Variants in LPCAT1 observed in about 807,000 individuals in gnomAD.
LPCAT1 encodes lysophosphatidylcholine acyltransferase 1.
A neutral mutation model predicts 60.9 loss-of-function variants in LPCAT1; 23 were observed. The ratio of observed to expected loss-of-function variants is 0.38; its 90% CI spans 0.27 to 0.53. The LOEUF is 0.53. Ranked by LOEUF, LPCAT1 falls within the 20% of genes least tolerant of loss-of-function variation. The pLI, the probability that LPCAT1 is intolerant of heterozygous loss-of-function variation, is 0.82. For synonymous variants in LPCAT1, 340 were observed against 301.1 expected (o/e 1.13, Z -1.34); for missense variants, 622 against 723.6 (o/e 0.86, Z 1.61).
chr5:1,519,854 C>T (rs1579820883), intron 1 of LPCAT1, among the ~76,000 whole-genome samples: 2 of 152,236 alleles, frequency 1.3e-5, no homozygotes, highest in African/African-American at 4.8e-5. Flanking sequence ...CCCTGTACAG[C>T]CCTGGCCTTC....
intron 1 of LPCAT1, among the ~76,000 whole-genome samples, chr5:1,509,428 G>A (rs113087902): frequency 2.0e-4 from 31 of 152,356 alleles, no homozygotes; most frequent in African/African-American, 5.8e-4. Flanking sequence ...ACACACAGGC[G>A]CCTGCTGTCC....
rs906866465 is a variant in LPCAT1 at position 1,521,697 on chromosome 5, GC to G, written c.135+2012del. ...ACAAAGCAAGCCCCCTCTCTGAGAG[GC>G]CCCAACACCTCAAGCCAGGATCTCT... On this transcript the variant is annotated intron_variant, in intron 1 of 13. Coordinates refer to ENST00000283415, the MANE Select transcript of LPCAT1 (RefSeq NM_024830.5). The surrounding 1 kb of genome is among the most constrained non-coding windows in gnomAD (Gnocchi z 4.3). 1.9e-4 allele frequency among the ~76,000 whole-genome samples: 29 copies of G among 152,292 alleles called. No homozygotes were observed. The highest frequency in any genetic ancestry group is 7.0e-4 in the African/African-American group (29 of 41,566).
intron 3 of LPCAT1, 67 bp from the exon 4 acceptor site, chr5:1,489,925 G>T: frequency 2.6e-6 from 3 of 1,168,232 alleles, no homozygotes; most frequent in South Asian, 2.4e-5. Context: ...GCTGAGGAAC[G>T]AGGGGGCTGC....
chr5:1,474,144 A>T, intron 10 of LPCAT1, 34 bp from the exon 11 acceptor site: 4 of 1,596,412 alleles, frequency 2.5e-6, no homozygotes, highest in Non-Finnish European at 3.4e-6. Flanking sequence ...TTTCTTTTTC[A>T]ATAAAATGGT....
rs1735737486 is a variant in LPCAT1 at position 1,495,093 on chromosome 5, C to T, written c.279-179G>A. Among the ~76,000 whole-genome samples, 1 of 152,204 alleles carries T rather than the reference C, an allele frequency of 6.6e-6. No homozygotes were observed. Among genetic ancestry groups the T allele is most frequent in the South Asian group, 2.1e-4 (1 of 4,836 alleles). On this transcript the variant is annotated intron_variant, in intron 2 of 13. Transcript: ENST00000283415. The surrounding 1 kb of genome is among the most constrained non-coding windows in gnomAD (Gnocchi z 4.7). The stretch of plus-strand genomic sequence containing the variant: ...AGAAAAGACGCCGCGCCTTCCTGGC[C>T]TCCGCCTGTGTCCTCGCTGGCTGCG...
At chr5:1,501,162 A>C (rs1214464090) in intron 2 of LPCAT1, among the ~76,000 whole-genome samples, 1 of 152,188 alleles carries the variant, frequency 6.6e-6, no homozygotes, top group Non-Finnish European at 1.5e-5. Flanking sequence ...TGGAGCAGAG[A>C]AGGCTACGGT....
At chr5:1,486,995 G>A (rs563687709) in intron 5 of LPCAT1, among the ~76,000 whole-genome samples, 93 of 152,216 alleles carry the variant, frequency 6.1e-4, no homozygotes, top group African/African-American at 2.1e-3. Flanking sequence ...GCGTTGAGAG[G>A]TGCTCACACG....
chr5:1,479,817 G>A (rs546645366), intron 7 of LPCAT1, 142 bp from the exon 8 acceptor site: 16 of 669,624 alleles, frequency 2.4e-5, no homozygotes, highest in African/African-American at 1.4e-4. Flanking sequence ...AGGGGGTGCC[G>A]TGCCCACCCA....
intron 12 of LPCAT1, among the ~76,000 whole-genome samples, chr5:1,467,885 C>T (rs927768098): frequency 2.0e-5 from 3 of 152,274 alleles, no homozygotes; most frequent in Admixed American, 2.0e-4. Context: ...CCTCTCTCTG[C>T]CTGGGGTCCA....
chr5:1,506,970 G>A (rs1037379655), intron 1 of LPCAT1, among the ~76,000 whole-genome samples: 9 of 152,220 alleles, frequency 5.9e-5, no homozygotes, highest in African/African-American at 2.2e-4. Context: ...ACCAGAGGCA[G>A]CAGGGGCAGC....
At chr5:1,503,537 G>A (rs995138872) in intron 1 of LPCAT1, among the ~76,000 whole-genome samples, 1 of 152,178 alleles carries the variant, frequency 6.6e-6, no homozygotes, top group Non-Finnish European at 1.5e-5. Flanking sequence ...CTCCCTGTTA[G>A]GATTGTTTTT....
chr5:1,466,904 T>A lies in LPCAT1; in HGVS notation c.1279-14A>T. The stretch of plus-strand genomic sequence containing the variant: ...CGCTCCGTACATCTGCAAGGCAAAC[T>A]GGGTGTCACCTTGCAGCCTCCTCCC... On this transcript the variant is annotated splice_polypyrimidine_tract_variant and intron_variant, in intron 12 of 13. Transcript: ENST00000283415. 2 of 1,551,096 alleles carry A rather than the reference T, an allele frequency of 1.3e-6. No individual in the cohort carries two copies. The highest frequency in any genetic ancestry group is 1.8e-6 in the Non-Finnish European group (2 of 1,142,034).
chr5:1,491,338 G>A (rs1735573650), intron 3 of LPCAT1, among the ~76,000 whole-genome samples: 1 of 115,358 alleles, frequency 8.7e-6, no homozygotes, highest in Non-Finnish European at 2.0e-5. Context: ...GTCGTCCCGG[G>A]GCACACGGGG....
intron 3 of LPCAT1, among the ~76,000 whole-genome samples, chr5:1,490,512 G>A (rs1024228352): frequency 3.3e-5 from 5 of 152,222 alleles, no homozygotes; most frequent in African/African-American, 9.6e-5. Context: ...CGGGAGGGCC[G>A]AGGGAGCTTT....
In LPCAT1 at chr5:1,495,019, G is replaced by A. The variant is rs1735734043; in HGVS notation, c.279-105C>T. The A allele has an allele frequency of 4.7e-6, 5 of 1,070,414 alleles. No homozygotes were observed. Among genetic ancestry groups the A allele is most frequent in the East Asian group, 2.6e-5 (1 of 38,168 alleles). The allele number at this position is 1,070,414 out of a possible 1,614,324, so 66.3% of individuals were successfully genotyped here. On this transcript the variant is annotated intron_variant, in intron 2 of 13. Coordinates refer to ENST00000283415, the MANE Select transcript of LPCAT1 (RefSeq NM_024830.5). The surrounding 1 kb of genome is among the most constrained non-coding windows in gnomAD (Gnocchi z 4.7). ...GGAGAGCCCTCCAGGGCGCAGTCCA[G>A]GCCACGGGCTTCCTGTGGTCGCCGC...
chr5:1,498,178 C>G (rs1735861714), intron 2 of LPCAT1, among the ~76,000 whole-genome samples: 1 of 152,228 alleles, frequency 6.6e-6, no homozygotes, highest in African/African-American at 2.4e-5. Flanking sequence ...CCCAAACCGA[C>G]TACGTAATTA....
At chr5:1,465,859 TTCAG>T (rs755245336) in intron 13 of LPCAT1, among the ~76,000 whole-genome samples, 5 of 135,606 alleles carry the variant, frequency 3.7e-5, no homozygotes, top group Non-Finnish European at 8.6e-5. Flanking sequence ...CACGTGCACT[TTCAG>T]TACTGAAACA....
rs183430697 is a variant in LPCAT1 at position 1,487,303 on chromosome 5, G to A, written c.667+1088C>T. Reference sequence around the variant, plus strand: ...GGGGGCACACGGATTCGTGGTCACCGCGTGCCGCCTCCACCCTCTGCATCT... The same window carrying A: ...GGGGGCACACGGATTCGTGGTCACCACGTGCCGCCTCCACCCTCTGCATCT... On this transcript the variant is annotated intron_variant, in intron 5 of 13. Coordinates refer to ENST00000283415, the MANE Select transcript of LPCAT1 (RefSeq NM_024830.5). This position sits in a 1 kb window ranked among gnomAD's most constrained non-coding sequence, Gnocchi z 6.1. 6.6e-5 allele frequency among the ~76,000 whole-genome samples: 10 copies of A among 152,340 alleles called. No homozygotes were observed. Among genetic ancestry groups the A allele is most frequent in the Middle Eastern group, 3.4e-3 (1 of 294 alleles).
In LPCAT1 at chr5:1,474,703, C is replaced by T; in HGVS notation, c.900-18G>A. The T allele has an allele frequency of 6.2e-7, 1 of 1,607,096 alleles. No individual in the cohort carries two copies. The highest frequency in any genetic ancestry group is 8.5e-7 in the Non-Finnish European group (1 of 1,175,668). On this transcript the variant is annotated intron_variant, in intron 9 of 13. Coordinates refer to ENST00000283415, the MANE Select transcript of LPCAT1 (RefSeq NM_024830.5). Reference sequence around the variant, plus strand: ...CCAAGGCCCTACAAGGAGGGCAGCACCCCCGTCAGCCCAGCCTCGTGGCAG... The same window carrying T: ...CCAAGGCCCTACAAGGAGGGCAGCATCCCCGTCAGCCCAGCCTCGTGGCAG...
Sources: gnomAD v4.1 joint callset for allele counts (sites outside exome capture counted in the v4.1 genomes callset) on GRCh38, gnomAD v4.1.1 for gene constraint, Gnocchi (gnomAD v3.1) non-coding constraint, MANE v1.5 for transcripts, NCBI Gene and HGNC (gene_info 2026-07-23, HGNC 2026-07-21) for gene names.